GALNT9: variants seen among roughly 807,000 people sequenced by gnomAD.
The protein encoded by GALNT9 is GalNAc transferase 9.
A neutral mutation model predicts 63.1 loss-of-function variants in GALNT9; 47 were observed. That is an observed-to-expected ratio of 0.75 (90% confidence interval 0.59 to 0.95). The LOEUF is 0.95. GALNT9 is among the 40% of genes least tolerant of loss of function. The pLI, the probability that GALNT9 is intolerant of heterozygous loss-of-function variation, is 0.00. For missense variants in GALNT9, 829 were observed against 874.8 expected (o/e 0.95, Z 0.66); for synonymous variants, 396 against 365.7 (o/e 1.08, Z -0.94).
intron 1 of GALNT9, among the ~76,000 whole-genome samples, chr12:132,326,695 T>C (rs1179528220): frequency 2.0e-5 from 3 of 152,318 alleles, no homozygotes; most frequent in Non-Finnish European, 2.9e-5. Flanking sequence ...CCCCTCTCCT[T>C]TCTGAACTCG....
At chr12:132,207,463 G>A (rs772034392) in intron 6 of GALNT9, among the ~76,000 whole-genome samples, 70 of 152,336 alleles carry the variant, frequency 4.6e-4, no homozygotes, top group African/African-American at 1.1e-3. Flanking sequence ...ACTGCTGGGC[G>A]GTCTGCGAGG....
chr12:132,250,551 A>G (rs1878873177), intron 5 of GALNT9, among the ~76,000 whole-genome samples: 1 of 152,250 alleles, frequency 6.6e-6, no homozygotes, highest in African/African-American at 2.4e-5. Context: ...GCACTTTGGG[A>G]TGCCAAGGCA....
chr12:132,269,289 G>A (rs1223682246), intron 2 of GALNT9, among the ~76,000 whole-genome samples: 1 of 152,196 alleles, frequency 6.6e-6, no homozygotes, highest in Non-Finnish European at 1.5e-5. Context: ...AGGACTCGTC[G>A]AGTGTGATTT....
intron 6 of GALNT9, among the ~76,000 whole-genome samples, chr12:132,224,783 A>G (rs1801816080): frequency 8.2e-6 from 1 of 122,692 alleles, no homozygotes; most frequent in African/African-American, 3.2e-5. Flanking sequence ...CCCCACACAC[A>G]TACATCTCAT....
chr12:132,205,339 G>C (rs1176333110), intron 6 of GALNT9: 1 of 152,178 alleles, frequency 6.6e-6, no homozygotes, highest in African/African-American at 2.4e-5. Flanking sequence ...AGAGAACCGG[G>C]AGGCCGTATC....
chr12:132,304,446 C>A (rs376844161), intron 1 of GALNT9, among the ~76,000 whole-genome samples: 424 of 25,860 alleles, frequency 0.016, 1 homozygote, highest in East Asian at 0.047. Context: ...CCCGGGCACA[C>A]CCTCGCCCGG....
chr12:132,213,066 C>T lies in GALNT9; in HGVS notation c.1078-9376G>A, dbSNP rs556696062. ...GACACGGAAACCCCACCCGGGTCTG[C>T]AGCCCTCAGACCTCGACACGGAAAC... On this transcript the variant is annotated intron_variant, in intron 6 of 10. Coordinates refer to ENST00000328957, the MANE Select transcript of GALNT9 (RefSeq NM_001122636.2). 3.1e-3 allele frequency among the ~76,000 whole-genome samples: 350 copies of T among 112,448 alleles called. 4 individuals carry two copies. The highest frequency in any genetic ancestry group is 5.0e-3 in the Non-Finnish European group (266 of 53,606). 73.8% of individuals were successfully genotyped at this position (112,448 alleles called of 152,430 possible).
chr12:132,248,115 C>A, intron 5 of GALNT9, 88 bp from the exon 6 acceptor site: 1 of 1,472,396 alleles, frequency 6.8e-7, no homozygotes, highest in Admixed American at 2.2e-5. Context: ...GCCTGGAAGA[C>A]CCCACCACCC....
At chr12:132,328,913 G>A in intron 1 of GALNT9, 53 bp downstream of exon 1, 1 of 1,435,948 alleles carries the variant, frequency 7.0e-7, no homozygotes. Flanking sequence ...CGCCCGGGGT[G>A]GCCACTGTCC....
intron 8 of GALNT9, among the ~76,000 whole-genome samples, chr12:132,199,624 G>A (rs1018622552): frequency 4.6e-5 from 7 of 152,144 alleles, no homozygotes; most frequent in Non-Finnish European, 8.8e-5. Context: ...CCGCTCGCCA[G>A]CCTTGCAGTC....
At chr12:132,217,170 C>A (rs1877232946) in intron 6 of GALNT9, among the ~76,000 whole-genome samples, 1 of 152,110 alleles carries the variant, frequency 6.6e-6, no homozygotes, top group African/African-American at 2.4e-5. Context: ...CACTATCTAT[C>A]CACCCATCCA....
At position 132,261,049 on chromosome 12, in the gene GALNT9, G is replaced by A; in HGVS notation, c.660C>T (p.Ser220=). Residue 220 remains serine, a synonymous_variant, in exon 4 of 11, where the codon AGC becomes AGT. Transcript: ENST00000328957. ...GCGCGCGGATCAGTCCTTCCCGCCG[G>A]CTGTTGCGGACAATCTTCACGAGGC... ...YPGLVKIVRN[S]RREGLIRARL... 1 of 1,551,460 alleles carries A rather than the reference G, an allele frequency of 6.4e-7. No individual in the cohort carries two copies.
intron 6 of GALNT9, among the ~76,000 whole-genome samples, chr12:132,229,005 C>T (rs1343148070): frequency 3.3e-5 from 5 of 152,182 alleles, no homozygotes; most frequent in African/African-American, 9.7e-5. Context: ...GGGTTAGACA[C>T]GGGTGCACAG....
At chr12:132,222,040 A>G (rs1299852493) in intron 6 of GALNT9, among the ~76,000 whole-genome samples, 1 of 152,156 alleles carries the variant, frequency 6.6e-6, no homozygotes, top group Non-Finnish European at 1.5e-5. Flanking sequence ...GGATTGGGTA[A>G]GCCTGTGACG....
At chr12:132,213,515 T>TCA (rs140482401) in intron 6 of GALNT9, among the ~76,000 whole-genome samples, 1 of 148,072 alleles carries the variant, frequency 6.8e-6, no homozygotes, top group Non-Finnish European at 1.5e-5. Flanking sequence ...ACAGGCGCAC[T>TCA]CACACACACG....
intron 6 of GALNT9, 27 bp from the exon 7 acceptor site, chr12:132,203,717 G>A: frequency 6.2e-7 from 1 of 1,603,538 alleles, no homozygotes; most frequent in Non-Finnish European, 8.5e-7. Context: ...CTGGGTGCCG[G>A]CGTCCTTCCC....
At position 132,196,864 on chromosome 12, in the gene GALNT9, G is replaced by A. The variant is rs1467529695; in HGVS notation, c.*243C>T. 9 of 1,342,868 alleles carry A rather than the reference G, an allele frequency of 6.7e-6. No individual in the cohort carries two copies. Among genetic ancestry groups the A allele is most frequent in the South Asian group, 5.2e-5 (3 of 57,320 alleles). The allele number at this position is 1,342,868 out of a possible 1,614,324, so 83.2% of individuals were successfully genotyped here. ...CGTGGAGAAGGCACGTGTTTGAGTT[G>A]GCATCACTGTCCCCAGACGCCCTCC... On this transcript the variant is annotated 3_prime_UTR_variant, in exon 11 of 11. Coordinates refer to ENST00000328957, the MANE Select transcript of GALNT9 (RefSeq NM_001122636.2).
chr12:132,319,523 G>C lies in GALNT9; in HGVS notation c.238+9443C>G, dbSNP rs1868681882. Among the ~76,000 whole-genome samples, 1 of 152,234 alleles carries C rather than the reference G, an allele frequency of 6.6e-6. No individual in the cohort carries two copies. Among genetic ancestry groups the C allele is most frequent in the Admixed American group, 6.5e-5 (1 of 15,290 alleles). ...GGCCTGCAGCTTGCAGACGGCAGAT[G>C]ATGGGGCCTCTTGGTCTGCACAGTC... On this transcript the variant is annotated intron_variant, in intron 1 of 10. Transcript: ENST00000328957. The surrounding 1 kb of genome is among the most constrained non-coding windows in gnomAD (Gnocchi z 5.2).
intron 2 of GALNT9, among the ~76,000 whole-genome samples, chr12:132,270,295 C>A (rs1555240605): frequency 6.6e-6 from 1 of 152,180 alleles, no homozygotes; most frequent in African/African-American, 2.4e-5. Context: ...CTGAAATAGC[C>A]CCGTGTCTCC....
Sources: allele counts gnomAD v4.1 joint callset (sites outside exome capture counted in the v4.1 genomes callset), GRCh38; gene constraint gnomAD v4.1.1; non-coding constraint Gnocchi (gnomAD v3.1); transcripts MANE v1.5; gene names NCBI Gene and HGNC (gene_info 2026-07-23, HGNC 2026-07-21).